CCDC187: variants seen among roughly 807,000 people sequenced by gnomAD.
The protein encoded by CCDC187 is coiled-coil domain-containing protein 187.
Under a neutral mutation model 38.0 loss-of-function variants are expected in CCDC187, and 32 were observed. The ratio of observed to expected loss-of-function variants is 0.84; its 90% CI spans 0.64 to 1.13. The LOEUF (loss-of-function observed/expected upper bound fraction) is 1.13, where lower values mean the gene tolerates loss of function less well. Ranked by LOEUF, CCDC187 falls within the 50% of genes most tolerant of loss-of-function variation. CCDC187 has a pLI of 0.00. For missense variants in CCDC187, 707 were observed against 786.8 expected (o/e 0.90, Z 1.21); for synonymous variants, 333 against 347.9 (o/e 0.96, Z 0.48).
chr9:136,285,246 C>T (rs1408075741), intron 9 of CCDC187, among the ~76,000 whole-genome samples: 1 of 152,142 alleles, frequency 6.6e-6, no homozygotes, highest in East Asian at 1.9e-4. Flanking sequence ...CCAGTGGCGT[C>T]CCCGAGGCCC....
rs782267849 is a variant in CCDC187 at position 136,250,743 on chromosome 9, G to A, written c.*2851C>T. ...AAAATCAGATGCATGGCCCGAGCTG[G>A]GCTTCCTGTGCACATGGTGAATGGG... is the stretch of plus-strand genomic sequence containing the variant. On this transcript the variant is annotated 3_prime_UTR_variant, in exon 26 of 26. Coordinates refer to ENST00000638797, the MANE Select transcript of CCDC187 (RefSeq NM_001378188.1). 2.2e-6 allele frequency: 1 copy of A among 456,240 alleles called. No homozygotes were observed. The highest frequency in any genetic ancestry group is 1.5e-5 in the South Asian group (1 of 64,572). 28.3% of individuals were successfully genotyped at this position (456,240 alleles called of 1,614,324 possible).
At chr9:136,273,371 T>A (rs1830872324) in intron 14 of CCDC187, among the ~76,000 whole-genome samples, 1 of 152,166 alleles carries the variant, frequency 6.6e-6, no homozygotes, top group African/African-American at 2.4e-5. Context: ...GGAGGGGCTG[T>A]ATTAATATCA....
At position 136,257,372 on chromosome 9, in the gene CCDC187, AAATTATAAT is replaced by A. The variant is rs1321991391; in HGVS notation, c.4367-540_4367-532del. Among the ~76,000 whole-genome samples, 5 of 104,314 alleles carry A rather than the reference AAATTATAAT, an allele frequency of 4.8e-5. No homozygotes were observed. The highest frequency in any genetic ancestry group is 3.0e-4 in the Admixed American group (3 of 9,948). The allele number at this position is 104,314 out of a possible 152,430, so 68.4% of individuals were successfully genotyped here. A position where few individuals can be genotyped will look rare whatever the true frequency, so the allele number is the denominator to read the frequency against. On this transcript the variant is annotated intron_variant, in intron 22 of 25. Coordinates refer to ENST00000638797, the MANE Select transcript of CCDC187 (RefSeq NM_001378188.1). The surrounding 1 kb of genome is among the most constrained non-coding windows in gnomAD (Gnocchi z 4.5). Reference sequence around the variant, plus strand: ...GGGGAGAGAGTGAGACTTTGTCTCAAAATTATAATAATAATAATAATAATAATAATAATA... The same window carrying A: ...GGGGAGAGAGTGAGACTTTGTCTCAAAATAATAATAATAATAATAATAATA...
At chr9:136,279,804 G>T (rs1831004172) in intron 10 of CCDC187, among the ~76,000 whole-genome samples, 5 of 152,258 alleles carry the variant, frequency 3.3e-5, no homozygotes, top group Admixed American at 3.3e-4. Context: ...CCATGAGGCG[G>T]CAATTCAGCC....
At position 136,297,829 on chromosome 9, in the gene CCDC187, G is replaced by A; in HGVS notation, c.725-8C>T. On this transcript the variant is annotated splice_polypyrimidine_tract_variant and splice_region_variant and intron_variant, in intron 3 of 25. Coordinates refer to ENST00000638797, the MANE Select transcript of CCDC187 (RefSeq NM_001378188.1). The stretch of plus-strand genomic sequence containing the variant: ...TGGGTTTTTCCCTCAGAACTTCAGT[G>A]AGGAAGAGAAAGGAAGGGAGGGAGG... 1 of 347,644 alleles carries A rather than the reference G, an allele frequency of 2.9e-6. No homozygotes were observed. The highest frequency in any genetic ancestry group is 2.1e-5 in the African/African-American group (1 of 47,326). 21.5% of individuals were successfully genotyped at this position (347,644 alleles called of 1,614,324 possible).
intron 9 of CCDC187, among the ~76,000 whole-genome samples, chr9:136,281,961 A>G (rs1831055113): frequency 6.6e-6 from 1 of 152,158 alleles, no homozygotes; most frequent in African/African-American, 2.4e-5. Context: ...ACCAGCCCAC[A>G]TCTGGGAAGC....
intron 4 of CCDC187, among the ~76,000 whole-genome samples, chr9:136,293,766 A>G (rs1831445729): frequency 6.6e-6 from 1 of 152,034 alleles, no homozygotes; most frequent in Admixed American, 6.6e-5. Flanking sequence ...ACACACTGAC[A>G]TGCTCACACA....
chr9:136,290,940 A>C lies in CCDC187; in HGVS notation c.1673T>G (p.Leu558Arg), dbSNP rs1020392970. The C allele has an allele frequency of 2.5e-6, 1 of 398,510 alleles. No homozygotes were observed. The highest frequency in any genetic ancestry group is 4.4e-5 in the Admixed American group (1 of 22,716). The allele number at this position is 398,510 out of a possible 1,614,324, so 24.7% of individuals were successfully genotyped here. ...CETWEDPGPR[L>R]RNPLERPSPP... The stretch of plus-strand genomic sequence containing the variant: ...ACTGGGCCTTTCCAGAGGGTTCCGC[A>C]GTCTGGGGCCAGGGTCCTCCCAGGT... Residue 558 changes from leucine to arginine, a missense_variant, in exon 6 of 26, where the codon CTG becomes CGG. Leu to Arg is a moderately radical substitution (Grantham distance 102). Transcript: ENST00000638797.
chr9:136,293,182 CACTCACAT>C (rs1831384830), intron 4 of CCDC187, among the ~76,000 whole-genome samples: 4 of 108,468 alleles, frequency 3.7e-5, no homozygotes, highest in African/African-American at 1.5e-4. Context: ...TGCTCACACA[CACTCACAT>C]GCTCACACAC....
Position 136,286,467 on chromosome 9 carries a change from G to C in CCDC187, c.2451C>G (p.Leu817=), listed in dbSNP as rs1831184461. ...EHLGTSSSLH[L]RHKQAQLQAL... is the part of the protein sequence containing the mutation. ...CCTGCAGCTGCGCCTGCTTATGCCGGAGGTGCAGGGAGCTGGAAGTGCCCA... is the reference window on the plus strand; with the variant it reads ...CCTGCAGCTGCGCCTGCTTATGCCGCAGGTGCAGGGAGCTGGAAGTGCCCA... Residue 817 remains leucine, a synonymous_variant, in exon 8 of 26, where the codon CTC becomes CTG. Coordinates refer to ENST00000638797, the MANE Select transcript of CCDC187 (RefSeq NM_001378188.1). The C allele has an allele frequency of 2.5e-6, 1 of 398,650 alleles. No homozygotes were observed. Among genetic ancestry groups the C allele is most frequent in the Non-Finnish European group, 4.4e-6 (1 of 226,148 alleles). 24.7% of individuals were successfully genotyped at this position (398,650 alleles called of 1,614,324 possible). A position where few individuals can be genotyped will look rare whatever the true frequency, so the allele number is the denominator to read the frequency against.
At chr9:136,275,907 C>G (rs1830922709) in intron 12 of CCDC187, among the ~76,000 whole-genome samples, 1 of 152,192 alleles carries the variant, frequency 6.6e-6, no homozygotes, top group African/African-American at 2.4e-5. Flanking sequence ...CCTACCAAGC[C>G]TGGGACACGG....
Position 136,286,383 on chromosome 9 carries a change from C to A in CCDC187, c.2535G>T (p.Leu845=), listed in dbSNP as rs878980606. ...KQRVDSLTAK[L]QGAEALDTVR... ...CGGTGTCCAGCGCTTCGGCACCCTG[C>A]AGCTTGGCGGTGAGGCTATCGACCC... is the stretch of plus-strand genomic sequence containing the variant. The change falls in exon 8 of 26, where the codon CTG becomes CTT. Residue 845 remains leucine, a synonymous_variant. Transcript: ENST00000638797. 303,481 of 398,242 alleles carry A rather than the reference C, an allele frequency of 0.76. 117,613 individuals are homozygous for A. The highest frequency in any genetic ancestry group is 0.83 in the East Asian group (23,127 of 28,016). 24.7% of individuals were successfully genotyped at this position (398,242 alleles called of 1,614,324 possible).
chr9:136,293,311 ACACT>A (rs1337182609), intron 4 of CCDC187, among the ~76,000 whole-genome samples: 28 of 145,092 alleles, frequency 1.9e-4, no homozygotes, highest in Non-Finnish European at 2.8e-4. Context: ...ACATGTTCAC[ACACT>A]CACACTCACA....
At chr9:136,294,201 C>G (rs1354084498) in intron 4 of CCDC187, among the ~76,000 whole-genome samples, 1 of 151,608 alleles carries the variant, frequency 6.6e-6, no homozygotes. Context: ...CACATGTGCT[C>G]TCACACACAC....
chr9:136,300,369 G>T lies in CCDC187; in HGVS notation c.626-51C>A, dbSNP rs2131360806. On this transcript the variant is annotated intron_variant, in intron 2 of 25. Transcript: ENST00000638797. ...CAGCGTGAGAAGAGAGATCCGCAAA[G>T]AACTTCCAAGAAAAGGTTCCAGTTT... 1.0e-5 allele frequency: 4 copies of T among 398,180 alleles called. No individual in the cohort carries two copies. The East Asian group carries it at 1.4e-4, about 14-fold the overall frequency. The allele number at this position is 398,180 out of a possible 1,614,324, so 24.7% of individuals were successfully genotyped here. A position where few individuals can be genotyped will look rare whatever the true frequency, so the allele number is the denominator to read the frequency against.
rs1297724491 is a variant in CCDC187 at position 136,297,841 on chromosome 9, G to C, written c.725-20C>G. The C allele has an allele frequency of 2.5e-6, 1 of 397,460 alleles. No individual in the cohort carries two copies. Among genetic ancestry groups the C allele is most frequent in the Non-Finnish European group, 4.4e-6 (1 of 225,362 alleles). The allele number at this position is 397,460 out of a possible 1,614,324, so 24.6% of individuals were successfully genotyped here. On this transcript the variant is annotated intron_variant, in intron 3 of 25. Coordinates refer to ENST00000638797, the MANE Select transcript of CCDC187 (RefSeq NM_001378188.1). ...TCAGAACTTCAGTGAGGAAGAGAAA[G>C]GAAGGGAGGGAGGGAGGGTGAGCAG...
chr9:136,281,920 C>G (rs1345268063), intron 9 of CCDC187, among the ~76,000 whole-genome samples: 1 of 152,080 alleles, frequency 6.6e-6, no homozygotes, highest in African/African-American at 2.4e-5. Context: ...AGCATGCGTC[C>G]CAGCGTGGTG....
rs1831172541 is a variant in CCDC187 at position 136,286,087 on chromosome 9, C to T, written c.2831G>A (p.Arg944Gln). Residue 944 changes from arginine (R) to glutamine (Q), a missense_variant and splice_region_variant, in exon 8 of 26, where the codon CGA (arginine) becomes CAA (glutamine). Physicochemically the swap from Arg to Gln is conservative, Grantham distance 43. Coordinates refer to ENST00000638797, the MANE Select transcript of CCDC187 (RefSeq NM_001378188.1). ...CCGTGTCCCGGGTGCCGGCCTACCT[C>T]GGGGCTTGCTCTCGCAGTGGGCCCT... ...SPRAHCESKP[R>Q]GFPEEGHVDV... The T allele has an allele frequency of 7.5e-6, 3 of 398,494 alleles. No individual in the cohort carries two copies. The highest frequency in any genetic ancestry group is 1.3e-5 in the Non-Finnish European group (3 of 225,986). The allele number at this position is 398,494 out of a possible 1,614,324, so 24.7% of individuals were successfully genotyped here.
Position 136,258,886 on chromosome 9 carries a change from G to C in CCDC187, c.4366+46C>G. On this transcript the variant is annotated intron_variant, in intron 22 of 25. Transcript: ENST00000638797. The surrounding 1 kb of genome is among the most constrained non-coding windows in gnomAD (Gnocchi z 4.3). ...ACAGGCTCTGCTGGATGTGGGGGAA[G>C]TGTCTGGCGCCGTGGAGGCCCACGC... The C allele has an allele frequency of 1.0e-6, 1 of 985,572 alleles. No homozygotes were observed. The highest frequency in any genetic ancestry group is 1.2e-6 in the Non-Finnish European group (1 of 830,038). The allele number at this position is 985,572 out of a possible 1,614,324, so 61.1% of individuals were successfully genotyped here.
Sources: allele counts gnomAD v4.1 joint callset (sites outside exome capture counted in the v4.1 genomes callset), GRCh38; gene constraint gnomAD v4.1.1; non-coding constraint Gnocchi (gnomAD v3.1); transcripts MANE v1.5; gene names NCBI Gene and HGNC (gene_info 2026-07-23, HGNC 2026-07-21).